The following RHEX variants were observed in gnomAD, a reference collection of about 807,000 sequenced individuals.
The protein encoded by RHEX is regulator of hemoglobinization and erythroid cell expansion.
In RHEX, 18 loss-of-function variants were observed where a neutral mutation model predicts 20.1. The observed-to-expected ratio is 0.90, with a 90% CI of 0.62 to 1.33. The LOEUF (loss-of-function observed/expected upper bound fraction) is 1.33. RHEX is among the 40% of genes most tolerant of loss of function. RHEX has a pLI of 0.00. For synonymous variants in RHEX, 87 were observed against 77.1 expected (o/e 1.13, Z -0.67); for missense variants, 192 against 214.3 (o/e 0.90, Z 0.65).
At chr1:206,074,276 A>G (rs1287863002) in intron 1 of RHEX, among the ~76,000 whole-genome samples, 2 of 152,204 alleles carry the variant, frequency 1.3e-5, no homozygotes, top group East Asian at 1.9e-4. Flanking sequence ...TATGTTCCCA[A>G]TAGCATGAGG....
At chr1:206,064,405 C>T (rs1243624669) in intron 1 of RHEX, among the ~76,000 whole-genome samples, 1 of 117,636 alleles carries the variant, frequency 8.5e-6, no homozygotes, top group African/African-American at 3.7e-5. Context: ...GTCAGCCCCC[C>T]GCCCGGCCAG....
At chr1:206,096,346 T>C (rs376848524) in intron 1 of RHEX, among the ~76,000 whole-genome samples, 23 of 152,238 alleles carry the variant, frequency 1.5e-4, no homozygotes, top group African/African-American at 5.1e-4. Context: ...AAATGAGATA[T>C]TCAATATTAG....
Position 206,097,581 on chromosome 1 carries a change from C to G in RHEX, c.-96-152C>G, listed in dbSNP as rs563033821. On this transcript the variant is annotated intron_variant, in intron 1 of 5. Transcript: ENST00000331555. Reference sequence around the variant, plus strand: ...CATCAAGGTTCTTTAGGAGAAGTGTCTAGAATGTATCATGTAGGAAAGTGG... The same window carrying G: ...CATCAAGGTTCTTTAGGAGAAGTGTGTAGAATGTATCATGTAGGAAAGTGG... The G allele has an allele frequency of 5.1e-5, 30 of 583,560 alleles. No homozygotes were observed. In the Middle Eastern group the frequency reaches 2.2e-3, roughly 43 times the overall value. The allele number at this position is 583,560 out of a possible 1,614,324, so 36.1% of individuals were successfully genotyped here. A position where few individuals can be genotyped will look rare whatever the true frequency, so the allele number is the denominator to read the frequency against.
At chr1:206,068,470 G>T (rs1558171501) in intron 1 of RHEX, among the ~76,000 whole-genome samples, 1 of 152,118 alleles carries the variant, frequency 6.6e-6, no homozygotes, top group Non-Finnish European at 1.5e-5. Context: ...TTCATGAAGA[G>T]GGGACTGAAA....
chr1:206,096,774 T>G (rs1222630378), intron 1 of RHEX, among the ~76,000 whole-genome samples: 1 of 141,156 alleles, frequency 7.1e-6, no homozygotes, highest in Non-Finnish European at 1.5e-5. Flanking sequence ...TGTTTTTTTT[T>G]TTTTTGGTTT....
intron 1 of RHEX, among the ~76,000 whole-genome samples, chr1:206,081,770 C>G (rs1309308800): frequency 6.6e-6 from 1 of 152,142 alleles, no homozygotes; most frequent in Non-Finnish European, 1.5e-5. Context: ...AGGTTCTGGT[C>G]CAAGAGTGGT....
intron 1 of RHEX, among the ~76,000 whole-genome samples, chr1:206,087,101 C>T (rs1662855269): frequency 6.6e-6 from 1 of 152,220 alleles, no homozygotes; most frequent in East Asian, 1.9e-4. Context: ...GCTAGGAAGG[C>T]CATAGCTGAT....
rs56957747 is a variant in RHEX at position 206,083,503 on chromosome 1, G to C, written c.-96-14230G>C. 3.4e-3 allele frequency: 3,334 copies of C among 985,360 alleles called. 87 individuals are homozygous for C. In the African/African-American group the frequency reaches 0.054, roughly 16 times the overall value. 61.0% of individuals were successfully genotyped at this position (985,360 alleles called of 1,614,324 possible). On this transcript the variant is annotated intron_variant, in intron 1 of 5. Transcript: ENST00000331555. The stretch of plus-strand genomic sequence containing the variant: ...CTATCTTCTGAGTGGCAGTGCTCCC[G>C]CCTTGTTGGAAATGTTGAAACACTT...
chr1:206,068,354 GA>G (rs1256025359), intron 1 of RHEX, among the ~76,000 whole-genome samples: 1 of 152,030 alleles, frequency 6.6e-6, no homozygotes, highest in African/African-American at 2.4e-5. Flanking sequence ...TTTTGAGGGG[GA>G]AAAGGGGCTA....
chr1:206,099,022 C>G (rs1412258792), intron 3 of RHEX, among the ~76,000 whole-genome samples: 2 of 152,128 alleles, frequency 1.3e-5, no homozygotes, highest in Admixed American at 6.6e-5. Context: ...GGGAGTGAGG[C>G]GTGAACTCTA....
chr1:206,077,574 C>A (rs567187788), intron 1 of RHEX, among the ~76,000 whole-genome samples: 1 of 152,148 alleles, frequency 6.6e-6, no homozygotes, highest in Non-Finnish European at 1.5e-5. Context: ...GAGGTCAAGA[C>A]CAGCTTGGTT....
chr1:206,057,190 A>G (rs1662210444), intron 1 of RHEX, among the ~76,000 whole-genome samples: 1 of 152,260 alleles, frequency 6.6e-6, no homozygotes, highest in Admixed American at 6.5e-5. Context: ...TTGTTTTTGC[A>G]ATTAGCCAAA....
intron 1 of RHEX, among the ~76,000 whole-genome samples, chr1:206,069,727 G>A (rs74144328): frequency 0.026 from 3,934 of 152,248 alleles, 184 homozygotes; most frequent in African/African-American, 0.09. Context: ...ACTGAAGCCT[G>A]TTCTGTCTGC....
At chr1:206,099,913 C>T in intron 4 of RHEX, 115 bp downstream of exon 4, 4 of 923,354 alleles carry the variant, frequency 4.3e-6, no homozygotes, top group Non-Finnish European at 6.7e-6. Flanking sequence ...GAGGATTCCT[C>T]ACAGCCACAT....
chr1:206,100,255 T>C (rs1663162107), intron 4 of RHEX, among the ~76,000 whole-genome samples: 1 of 152,160 alleles, frequency 6.6e-6, no homozygotes. Flanking sequence ...TAGATCTGCA[T>C]GGGTATCTGA....
intron 1 of RHEX, among the ~76,000 whole-genome samples, chr1:206,087,171 G>A (rs546430422): frequency 6.6e-6 from 1 of 152,130 alleles, no homozygotes; most frequent in Non-Finnish European, 1.5e-5. Context: ...GCCTATACTC[G>A]CTTGTGTGGT....
intron 1 of RHEX, among the ~76,000 whole-genome samples, chr1:206,075,851 C>T (rs1662625956): frequency 6.6e-6 from 1 of 152,188 alleles, no homozygotes. Flanking sequence ...ATCCACCCGC[C>T]TCAGCCTCCC....
chr1:206,084,527 A>G (rs1662799753), intron 1 of RHEX, among the ~76,000 whole-genome samples: 1 of 152,208 alleles, frequency 6.6e-6, no homozygotes, highest in Admixed American at 6.5e-5. Flanking sequence ...ATTACAGAAG[A>G]GTTAGATCAG....
chr1:206,076,070 G>C (rs1396780460), intron 1 of RHEX, among the ~76,000 whole-genome samples: 1 of 152,044 alleles, frequency 6.6e-6, no homozygotes, highest in African/African-American at 2.4e-5. Context: ...TACTTGCTGC[G>C]AGAAGCAAAA....
Sources: allele counts gnomAD v4.1 joint callset (sites outside exome capture counted in the v4.1 genomes callset), GRCh38; gene constraint gnomAD v4.1.1; transcripts MANE v1.5; gene names NCBI Gene and HGNC (gene_info 2026-07-23, HGNC 2026-07-21).